The following BEND7 variants were observed in gnomAD, a reference collection of about 807,000 sequenced individuals.
BEND7 encodes BEN domain containing 7.
BEND7 carries 28 observed loss-of-function variants against 50.9 expected under a neutral mutation model. The observed-to-expected ratio is 0.55, with a 90% CI of 0.41 to 0.75. BEND7 has a LOEUF of 0.75. Among genes scored for constraint, BEND7 ranks in the 30% least tolerant of loss-of-function variants. The pLI is 0.00. For synonymous variants in BEND7, 170 were observed against 183.9 expected (o/e 0.92, Z 0.61); for missense variants, 477 against 491.3 (o/e 0.97, Z 0.28).
intron 3 of BEND7, among the ~76,000 whole-genome samples, chr10:13,498,329 G>A (rs571630700): frequency 2.0e-5 from 3 of 152,088 alleles, no homozygotes; most frequent in Non-Finnish European, 2.9e-5. Flanking sequence ...CACTCATCTC[G>A]GCCTCCCAAA....
chr10:13,466,218 C>T lies in BEND7; in HGVS notation c.1064-13560G>A, dbSNP rs898577924. On this transcript the variant is annotated intron_variant, in intron 6 of 8. Transcript: ENST00000466271. The stretch of plus-strand genomic sequence containing the variant: ...AAGCTTTAGTGTAATGATGTTTGAC[C>T]GTTGAATCCATTTTTTTTTTTTTTT... Among the ~76,000 whole-genome samples, 6 of 150,552 alleles carry T rather than the reference C, an allele frequency of 4.0e-5. No individual in the cohort carries two copies. In the Admixed American group the frequency reaches 4.0e-4, roughly 10 times the overall value.
At chr10:13,484,320 A>G (rs1015274413) in intron 5 of BEND7, among the ~76,000 whole-genome samples, 1 of 152,270 alleles carries the variant, frequency 6.6e-6, no homozygotes, top group African/African-American at 2.4e-5. Context: ...TTTCTGAAAC[A>G]TGAAGAAAAG....
At chr10:13,462,758 T>C (rs1413725087) in intron 6 of BEND7, among the ~76,000 whole-genome samples, 3 of 152,136 alleles carry the variant, frequency 2.0e-5, no homozygotes, top group Non-Finnish European at 4.4e-5. Context: ...AGAGAGTAGA[T>C]GAAAAGTCTT....
At chr10:13,506,196 C>T (rs1589003096) in intron 2 of BEND7, among the ~76,000 whole-genome samples, 1 of 151,620 alleles carries the variant, frequency 6.6e-6, no homozygotes, top group East Asian at 1.9e-4. Flanking sequence ...TGGTAAACTG[C>T]CCCCCTGTTT....
chr10:13,522,346 T>C (rs1319008016), intron 2 of BEND7, among the ~76,000 whole-genome samples: 1 of 152,208 alleles, frequency 6.6e-6, no homozygotes, highest in African/African-American at 2.4e-5. Flanking sequence ...AGCCTTGGCT[T>C]TGCCTGGCTC....
At chr10:13,482,725 C>T (rs148538715) in intron 5 of BEND7, among the ~76,000 whole-genome samples, 22 of 152,300 alleles carry the variant, frequency 1.4e-4, no homozygotes, top group African/African-American at 5.1e-4. Flanking sequence ...TGAATATCAC[C>T]ATACACAGCT....
At chr10:13,475,168 TACA>T (rs945061964) in intron 6 of BEND7, among the ~76,000 whole-genome samples, 2 of 152,110 alleles carry the variant, frequency 1.3e-5, no homozygotes, top group Admixed American at 6.5e-5. Flanking sequence ...TAATACAAAC[TACA>T]ACAACAACAA....
chr10:13,522,821 C>T (rs2132713670), intron 2 of BEND7, among the ~76,000 whole-genome samples: 1 of 152,314 alleles, frequency 6.6e-6, no homozygotes, highest in East Asian at 1.9e-4. Context: ...ACCTGTGGCA[C>T]TTCCTACTTG....
At chr10:13,486,473 C>T (rs940578214) in intron 5 of BEND7, among the ~76,000 whole-genome samples, 1 of 152,298 alleles carries the variant, frequency 6.6e-6, no homozygotes, top group South Asian at 2.1e-4. Flanking sequence ...GGGCCTGAGC[C>T]GCAGTGTGGA....
At chr10:13,456,930 C>T (rs989390310) in intron 6 of BEND7, among the ~76,000 whole-genome samples, 12 of 152,154 alleles carry the variant, frequency 7.9e-5, no homozygotes, top group African/African-American at 2.9e-4. Context: ...CAAATACCCA[C>T]AAGAACATTT....
chr10:13,513,116 CTATT>C (rs1389354696), intron 2 of BEND7, among the ~76,000 whole-genome samples: 3 of 152,218 alleles, frequency 2.0e-5, no homozygotes, highest in East Asian at 3.8e-4. Context: ...CTATTCTACT[CTATT>C]TCTTTCTTCT....
chr10:13,458,295 C>A (rs138697764), intron 6 of BEND7, among the ~76,000 whole-genome samples: 3 of 152,356 alleles, frequency 2.0e-5, no homozygotes, highest in African/African-American at 7.2e-5. Flanking sequence ...CAGCGCGTGG[C>A]GTGTCTGACA....
chr10:13,444,547 G>T (rs1034505794), intron 8 of BEND7: 12 of 152,140 alleles, frequency 7.9e-5, no homozygotes, highest in Admixed American at 6.6e-4. Context: ...CAGATAAATG[G>T]GATAATGAGA....
rs143309781 is a variant in BEND7 at position 13,466,776 on chromosome 10, G to T, written c.1064-14118C>A. ...GGGCTTGACTGTTCTTTAGATAAAT[G>T]AATGAGGAAAAAGTCATGCGTTTTT... On this transcript the variant is annotated intron_variant, in intron 6 of 8. Coordinates refer to ENST00000466271, the MANE Select transcript of BEND7 (RefSeq NM_001369863.1). Among the ~76,000 whole-genome samples the T allele has an allele frequency of 5.6e-4, 86 of 152,240 alleles. 2 individuals carry two copies. The South Asian group carries it at 1.0e-2, about 18-fold the overall frequency.
chr10:13,483,055 A>G (rs1177095260), intron 5 of BEND7, among the ~76,000 whole-genome samples: 4 of 152,096 alleles, frequency 2.6e-5, no homozygotes, highest in Non-Finnish European at 5.9e-5. Context: ...TTTGAAAGCC[A>G]TTAAAACAAA....
chr10:13,443,345 G>A (rs1390181687), intron 8 of BEND7: 1 of 152,682 alleles, frequency 6.5e-6, no homozygotes, highest in Non-Finnish European at 1.5e-5. Context: ...TCAAAGTCTA[G>A]GCAATGAAAC....
At chr10:13,487,388 C>CTTTTT (rs930230162) in intron 5 of BEND7, among the ~76,000 whole-genome samples, 2 of 122,838 alleles carry the variant, frequency 1.6e-5, no homozygotes, top group South Asian at 2.4e-4. Context: ...CTTTTCTTTT[C>CTTTTT]TTTTTTTTTT....
intron 1 of BEND7, among the ~76,000 whole-genome samples, chr10:13,528,068 CCTT>C (rs1049182547): frequency 8.5e-5 from 13 of 152,128 alleles, no homozygotes; most frequent in Admixed American, 8.5e-4. Context: ...CCTTTTTCCT[CCTT>C]CTCTTGGCGG....
chr10:13,487,512 G>A (rs748096232), intron 5 of BEND7, among the ~76,000 whole-genome samples: 186 of 151,106 alleles, frequency 1.2e-3, no homozygotes, highest in South Asian at 2.1e-3. Context: ...TCAGCCTCCT[G>A]AGTAGCTGGG....
Sources: gnomAD v4.1 joint callset for allele counts (sites outside exome capture counted in the v4.1 genomes callset) on GRCh38, gnomAD v4.1.1 for gene constraint, MANE v1.5 for transcripts, NCBI Gene and HGNC (gene_info 2026-07-23, HGNC 2026-07-21) for gene names.